Variants in SPOCK3 observed in about 807,000 individuals in gnomAD.
SPOCK3 encodes SPARC (osteonectin), cwcv and kazal like domains proteoglycan 3.
In SPOCK3, 30 loss-of-function variants were observed where a neutral mutation model predicts 56.6. The observed-to-expected ratio is 0.53, with a 90% CI of 0.40 to 0.72. The LOEUF is 0.72. Among genes scored for constraint, SPOCK3 ranks in the 30% least tolerant of loss-of-function variants. The pLI is 0.00. For synonymous variants in SPOCK3, 196 were observed against 183.3 expected (o/e 1.07, Z -0.56); for missense variants, 527 against 530.0 (o/e 0.99, Z 0.06).
At chr4:167,125,346 G>A (rs1331953059) in intron 2 of SPOCK3, among the ~76,000 whole-genome samples, 1 of 149,936 alleles carries the variant, frequency 6.7e-6, no homozygotes, top group Non-Finnish European at 1.5e-5. Context: ...CTTGATTAGA[G>A]ATCTTAACAA....
rs577975576 is a variant in SPOCK3, at chr4:166,739,536, C to T, written c.995-1932G>A. On this transcript the variant is annotated intron_variant, in intron 9 of 10. Coordinates refer to ENST00000357545, the MANE Select transcript of SPOCK3 (RefSeq NM_001040159.2). The stretch of plus-strand genomic sequence containing the variant: ...GATTACAGGCATGAGCCGTCATCCC[C>T]GACTAGAGACTTCTTTTTATATCTA... 6.6e-5 allele frequency among the ~76,000 whole-genome samples: 10 copies of T among 152,162 alleles called. No individual in the cohort carries two copies. The South Asian group carries it at 1.5e-3, about 22-fold the overall frequency.
chr4:167,018,868 C>T (rs1750902969), intron 3 of SPOCK3, among the ~76,000 whole-genome samples: 1 of 151,956 alleles, frequency 6.6e-6, no homozygotes, highest in African/African-American at 2.4e-5. Context: ...GTGAAGCCAC[C>T]TCAATTTTGC....
intron 4 of SPOCK3, among the ~76,000 whole-genome samples, chr4:166,977,710 C>T (rs931919534): frequency 6.6e-6 from 1 of 152,032 alleles, no homozygotes; most frequent in Non-Finnish European, 1.5e-5. Flanking sequence ...TCATTTAAAC[C>T]TAATGCTTCT....
chr4:166,780,896 C>A (rs1740090216), intron 7 of SPOCK3, among the ~76,000 whole-genome samples: 1 of 152,032 alleles, frequency 6.6e-6, no homozygotes, highest in Non-Finnish European at 1.5e-5. Context: ...AAGGAAAAAT[C>A]AAGAAACAAG....
intron 2 of SPOCK3, among the ~76,000 whole-genome samples, chr4:167,227,525 T>C (rs1335591031): frequency 6.6e-6 from 1 of 152,014 alleles, no homozygotes; most frequent in Non-Finnish European, 1.5e-5. Flanking sequence ...AGTTGTAGGA[T>C]CATGGAGAGG....
intron 2 of SPOCK3, among the ~76,000 whole-genome samples, chr4:167,089,156 T>C (rs916075905): frequency 1.3e-5 from 2 of 152,102 alleles, no homozygotes; most frequent in Admixed American, 6.6e-5. Flanking sequence ...TATGTGTGTG[T>C]ACATATATAT....
At chr4:166,770,163 A>T in intron 7 of SPOCK3, among the ~76,000 whole-genome samples, 1 of 152,056 alleles carries the variant, frequency 6.6e-6, no homozygotes, top group East Asian at 1.9e-4. Flanking sequence ...ACCCTGCTTC[A>T]GCTCACACTG....
intron 2 of SPOCK3, among the ~76,000 whole-genome samples, chr4:167,075,302 T>C (rs1175828396): frequency 1.3e-5 from 2 of 151,940 alleles, no homozygotes; most frequent in African/African-American, 2.4e-5. Flanking sequence ...TTAATCAATA[T>C]ATAATTTTTC....
At chr4:166,741,904 T>C in intron 9 of SPOCK3, 93 bp downstream of exon 9, 1 of 928,778 alleles carries the variant, frequency 1.1e-6, no homozygotes, top group South Asian at 1.4e-5. Context: ...GTGCAGTCTA[T>C]CTTTGTTGGA....
intron 2 of SPOCK3, among the ~76,000 whole-genome samples, chr4:167,178,873 G>T (rs985480254): frequency 6.6e-6 from 1 of 152,064 alleles, no homozygotes; most frequent in Non-Finnish European, 1.5e-5. Flanking sequence ...TTTATATCCT[G>T]TTAGGTGCTT....
intron 2 of SPOCK3, among the ~76,000 whole-genome samples, chr4:167,091,864 A>G (rs1448616904): frequency 1.3e-5 from 2 of 152,128 alleles, no homozygotes; most frequent in Non-Finnish European, 2.9e-5. Flanking sequence ...GAAATTATGT[A>G]AGTTTTTCTT....
chr4:167,161,988 T>C (rs1001594831), intron 2 of SPOCK3, among the ~76,000 whole-genome samples: 5 of 152,030 alleles, frequency 3.3e-5, no homozygotes, highest in Non-Finnish European at 7.4e-5. Context: ...CATGTATACA[T>C]ATGTAACAAA....
At chr4:167,219,707 T>C (rs1292834473) in intron 2 of SPOCK3, among the ~76,000 whole-genome samples, 2 of 151,790 alleles carry the variant, frequency 1.3e-5, no homozygotes, top group Non-Finnish European at 3.0e-5. Context: ...CATATAACCA[T>C]TTATTTCACA....
intron 2 of SPOCK3, among the ~76,000 whole-genome samples, chr4:167,196,335 T>C (rs2110887623): frequency 6.6e-6 from 1 of 152,298 alleles, no homozygotes; most frequent in South Asian, 2.1e-4. Context: ...GTTGTATTAG[T>C]TATCTATTGC....
At chr4:166,941,442 T>C (rs1346342860) in intron 4 of SPOCK3, among the ~76,000 whole-genome samples, 1 of 152,202 alleles carries the variant, frequency 6.6e-6, no homozygotes, top group Non-Finnish European at 1.5e-5. Context: ...TATTATTCCT[T>C]CCAGCTACAG....
intron 6 of SPOCK3, among the ~76,000 whole-genome samples, chr4:166,852,236 A>G (rs1024804604): frequency 1.3e-5 from 2 of 152,136 alleles, no homozygotes; most frequent in Non-Finnish European, 2.9e-5. Context: ...AGCATGGCAC[A>G]TGTATACATA....
At chr4:166,889,379 T>C in intron 5 of SPOCK3, 135 bp from the exon 6 acceptor site, 1 of 602,692 alleles carries the variant, frequency 1.7e-6, no homozygotes, top group Admixed American at 3.0e-5. Flanking sequence ...ACGTCTCCAA[T>C]ACTAAAGTGC....
chr4:166,739,471 C>T (rs1734598400), intron 9 of SPOCK3, among the ~76,000 whole-genome samples: 1 of 152,062 alleles, frequency 6.6e-6, no homozygotes, highest in Non-Finnish European at 1.5e-5. Flanking sequence ...AAACTCCTGA[C>T]TTCAAGTCAT....
chr4:166,837,119 C>T (rs1746700543), intron 6 of SPOCK3, among the ~76,000 whole-genome samples: 1 of 152,150 alleles, frequency 6.6e-6, no homozygotes, highest in Admixed American at 6.5e-5. Context: ...TTCCTTATTA[C>T]ATCTATAAAA....
Sources: gnomAD v4.1 joint callset for allele counts (sites outside exome capture counted in the v4.1 genomes callset) on GRCh38, gnomAD v4.1.1 for gene constraint, MANE v1.5 for transcripts, NCBI Gene and HGNC (gene_info 2026-07-23, HGNC 2026-07-21) for gene names.